PPP2R5E: variants seen among roughly 807,000 people sequenced by gnomAD.
PPP2R5E encodes protein phosphatase 2 regulatory subunit B'epsilon.
PPP2R5E carries 4 observed loss-of-function variants against 65.3 expected under a neutral mutation model. The observed-to-expected ratio is 0.06, with a 90% CI of 0.03 to 0.14. The LOEUF (loss-of-function observed/expected upper bound fraction) is 0.14. PPP2R5E is among the 10% of genes least tolerant of loss of function. The pLI is 1.00. For synonymous variants in PPP2R5E, 183 were observed against 187.4 expected (o/e 0.98, Z 0.19); for missense variants, 274 against 556.1 (o/e 0.49, Z 5.10).
At chr14:63,475,635 A>G (rs1890371038) in intron 2 of PPP2R5E, among the ~76,000 whole-genome samples, 1 of 152,206 alleles carries the variant, frequency 6.6e-6, no homozygotes, top group African/African-American at 2.4e-5. Flanking sequence ...GAAGACTAAC[A>G]ATTTTTGGAG....
chr14:63,493,665 A>C (rs563636023), intron 2 of PPP2R5E, among the ~76,000 whole-genome samples: 1 of 152,254 alleles, frequency 6.6e-6, no homozygotes, highest in South Asian at 2.1e-4. Context: ...ACATGTGGCA[A>C]GACATATTTC....
At chr14:63,418,676 C>T (rs562190690) in intron 4 of PPP2R5E, among the ~76,000 whole-genome samples, 4 of 151,704 alleles carry the variant, frequency 2.6e-5, no homozygotes, top group South Asian at 2.1e-4. Flanking sequence ...GAAGACACAC[C>T]TAATTTCAGA....
chr14:63,448,482 C>G (rs929187575), intron 3 of PPP2R5E, among the ~76,000 whole-genome samples: 3 of 152,004 alleles, frequency 2.0e-5, no homozygotes, highest in African/African-American at 4.8e-5. Context: ...TTTTGTTCCA[C>G]ACAAGGTTGC....
At chr14:63,386,676 A>G (rs2139762579) in intron 11 of PPP2R5E, among the ~76,000 whole-genome samples, 1 of 152,266 alleles carries the variant, frequency 6.6e-6, no homozygotes, top group South Asian at 2.1e-4. Flanking sequence ...TAATCTCAGC[A>G]CTTTGGGAGG....
In PPP2R5E at chr14:63,521,229, TAA is replaced by T. The variant is rs138729960; in HGVS notation, c.157+18298_157+18299del. Among the ~76,000 whole-genome samples the T allele has an allele frequency of 5.5e-3, 839 of 152,332 alleles. 9 individuals carry two copies. The highest frequency in any genetic ancestry group is 0.019 in the African/African-American group (798 of 41,572). On this transcript the variant is annotated intron_variant, in intron 2 of 13. Coordinates refer to ENST00000337537, the MANE Select transcript of PPP2R5E (RefSeq NM_006246.5). The stretch of plus-strand genomic sequence containing the variant: ...TTACTTGAACTGCCTTTTAAAATGT[TAA>T]GACATAAATCTAAATATAATACAAT...
At chr14:63,431,208 C>T (rs1887652687) in intron 3 of PPP2R5E, among the ~76,000 whole-genome samples, 1 of 150,892 alleles carries the variant, frequency 6.6e-6, no homozygotes, top group South Asian at 2.1e-4. Flanking sequence ...GCAGCGGTTG[C>T]AGTGAGCCAA....
intron 2 of PPP2R5E, among the ~76,000 whole-genome samples, chr14:63,510,870 A>G (rs1467619627): frequency 6.6e-6 from 1 of 152,190 alleles, no homozygotes; most frequent in Non-Finnish European, 1.5e-5. Flanking sequence ...ACACGTGAAA[A>G]GGTGGAAGCA....
intron 2 of PPP2R5E, among the ~76,000 whole-genome samples, chr14:63,496,939 A>C (rs888140602): frequency 3.3e-5 from 5 of 151,700 alleles, no homozygotes; most frequent in Non-Finnish European, 5.9e-5. Flanking sequence ...TAAAATACAC[A>C]GGCAGAGACA....
chr14:63,452,595 G>A (rs532208346), intron 3 of PPP2R5E: 5 of 152,294 alleles, frequency 3.3e-5, no homozygotes, highest in African/African-American at 1.2e-4. Context: ...ACATTCTAGT[G>A]CTACATTCCT....
At chr14:63,386,615 G>C (rs1277699531) in intron 11 of PPP2R5E, among the ~76,000 whole-genome samples, 1 of 152,226 alleles carries the variant, frequency 6.6e-6, no homozygotes, top group Middle Eastern at 3.4e-3. Flanking sequence ...GGAAACAGAA[G>C]GGTGGCAGAA....
chr14:63,489,566 T>C (rs1035812290), intron 2 of PPP2R5E, among the ~76,000 whole-genome samples: 1 of 151,964 alleles, frequency 6.6e-6, no homozygotes, highest in South Asian at 2.1e-4. Flanking sequence ...CAGACCACCA[T>C]GTCCAGCCAA....
At chr14:63,387,459 G>A (rs1273465991) in intron 11 of PPP2R5E, among the ~76,000 whole-genome samples, 2 of 152,130 alleles carry the variant, frequency 1.3e-5, no homozygotes, top group African/African-American at 2.4e-5. Context: ...TGTCACCAGC[G>A]TGCAGACCTC....
chr14:63,436,054 T>TCC (rs1887938901), intron 3 of PPP2R5E, among the ~76,000 whole-genome samples: 1 of 152,154 alleles, frequency 6.6e-6, no homozygotes, highest in South Asian at 2.1e-4. Context: ...CCTCAAGCAC[T>TCC]CCCGCCCCAC....
chr14:63,424,562 T>C (rs1189165328), intron 3 of PPP2R5E, among the ~76,000 whole-genome samples: 1 of 152,052 alleles, frequency 6.6e-6, no homozygotes, highest in Non-Finnish European at 1.5e-5. Flanking sequence ...CCATCCTGGC[T>C]AACACGGTGA....
At chr14:63,512,524 A>T (rs1294534059) in intron 2 of PPP2R5E, among the ~76,000 whole-genome samples, 1 of 152,168 alleles carries the variant, frequency 6.6e-6, no homozygotes, top group African/African-American at 2.4e-5. Context: ...ACTTTCTATT[A>T]ATTGGAAAGG....
intron 2 of PPP2R5E, among the ~76,000 whole-genome samples, chr14:63,527,199 T>G (rs1381662280): frequency 6.6e-6 from 1 of 152,132 alleles, no homozygotes; most frequent in Non-Finnish European, 1.5e-5. Flanking sequence ...CTAATAATAA[T>G]TTTACCTGGT....
chr14:63,440,221 G>C (rs1056594799), intron 3 of PPP2R5E, among the ~76,000 whole-genome samples: 33 of 152,152 alleles, frequency 2.2e-4, no homozygotes, highest in Admixed American at 1.2e-3. Context: ...TGAAATACAC[G>C]GCCTTCCTCC....
chr14:63,515,944 G>C (rs1892654605), intron 2 of PPP2R5E, among the ~76,000 whole-genome samples: 1 of 149,472 alleles, frequency 6.7e-6, no homozygotes, highest in Non-Finnish European at 1.5e-5. Flanking sequence ...CTGCCTCCTA[G>C]GTTCACGCCA....
At chr14:63,427,346 T>G (rs1224829252) in intron 3 of PPP2R5E, among the ~76,000 whole-genome samples, 1 of 152,186 alleles carries the variant, frequency 6.6e-6, no homozygotes, top group Non-Finnish European at 1.5e-5. Flanking sequence ...TACAGTATAT[T>G]AGATACATTT....
Sources: gnomAD v4.1 joint callset for allele counts (sites outside exome capture counted in the v4.1 genomes callset) on GRCh38, gnomAD v4.1.1 for gene constraint, MANE v1.5 for transcripts, NCBI Gene and HGNC (gene_info 2026-07-23, HGNC 2026-07-21) for gene names.